KIF2A: variants seen among roughly 807,000 people sequenced by gnomAD.
KIF2A encodes the protein kinesin-like protein KIF2A.
A neutral mutation model predicts 100.2 loss-of-function variants in KIF2A; 22 were observed. The ratio of observed to expected loss-of-function variants is 0.22; its 90% CI spans 0.16 to 0.31. The LOEUF (loss-of-function observed/expected upper bound fraction) is 0.31, where lower values mean the gene tolerates loss of function less well. Ranked by LOEUF, KIF2A falls within the 10% of genes least tolerant of loss-of-function variation. KIF2A has a pLI of 1.00. For synonymous variants in KIF2A, 268 were observed against 285.9 expected (o/e 0.94, Z 0.63); for missense variants, 495 against 898.7 (o/e 0.55, Z 5.74).
rs1742080418 is a variant in KIF2A at position 62,387,354 on chromosome 5, T to A, written c.*1785T>A. The A allele has an allele frequency of 6.6e-6, 1 of 152,188 alleles. No individual in the cohort carries two copies. Among genetic ancestry groups the A allele is most frequent in the East Asian group, 1.9e-4 (1 of 5,200 alleles). The allele number at this position is 152,188 out of a possible 1,614,324, so 9.4% of individuals were successfully genotyped here. On this transcript the variant is annotated 3_prime_UTR_variant, in exon 21 of 21. Transcript: ENST00000407818. ...TTAAAAAAAAGGTAGTTTTTGAGAT[T>A]AACCAACTTTCAAAGGGCAATAAAG... is the stretch of plus-strand genomic sequence containing the variant.
chr5:62,332,604 G>A (rs1273607814), intron 1 of KIF2A, among the ~76,000 whole-genome samples: 2 of 152,070 alleles, frequency 1.3e-5, no homozygotes, highest in African/African-American at 4.8e-5. Context: ...AGTTTGGGGT[G>A]AACATTATTT....
At chr5:62,352,078 G>C (rs984116403) in intron 4 of KIF2A, among the ~76,000 whole-genome samples, 1 of 151,634 alleles carries the variant, frequency 6.6e-6, no homozygotes, top group African/African-American at 2.4e-5. Context: ...ACTTGAACCT[G>C]GGAGGCGGAG....
At position 62,387,643 on chromosome 5, in the gene KIF2A, G is replaced by C. The variant is rs1742097913; in HGVS notation, c.*2074G>C. ...AAACTCAGCAGTTCATAGGGGTAGA[G>C]GGAAATAACCTGAGAAAGCCGAGTT... is the stretch of plus-strand genomic sequence containing the variant. On this transcript the variant is annotated 3_prime_UTR_variant, in exon 21 of 21. Transcript: ENST00000407818. 1 of 152,114 alleles carries C rather than the reference G, an allele frequency of 6.6e-6. No homozygotes were observed. 9.4% of individuals were successfully genotyped at this position (152,114 alleles called of 1,614,324 possible).
At chr5:62,307,914 GGCC>G (rs1745393646) in intron 1 of KIF2A, among the ~76,000 whole-genome samples, 1 of 152,114 alleles carries the variant, frequency 6.6e-6, no homozygotes, top group Non-Finnish European at 1.5e-5. Context: ...CATCGCGCCT[GGCC>G]TCGATTCCTT....
At position 62,365,328 on chromosome 5, in the gene KIF2A, T is replaced by C. The variant is rs770617593; in HGVS notation, c.1553T>C (p.Ile518Thr). 1.3e-6 allele frequency: 2 copies of C among 1,597,902 alleles called. No individual in the cohort carries two copies. Among genetic ancestry groups the C allele is most frequent in the Non-Finnish European group, 1.7e-6 (2 of 1,168,172 alleles). ...ACTCAGGTGTTAAGAGATTCTTTCATAGGTGAAAACTCTCGTACCTGCATG... is the reference window on the plus strand; with the variant it reads ...ACTCAGGTGTTAAGAGATTCTTTCACAGGTGAAAACTCTCGTACCTGCATG... The part of the protein sequence containing the change: ...KLTQVLRDSF[I>T]GENSRTCMIA... Residue 518 changes from isoleucine to threonine, a missense_variant, in exon 15 of 21, where the codon ATA becomes ACA. Around this residue, in one of 10 missense-constraint regions of KIF2A, gnomAD observed 100 missense variants for 138.2 expected, o/e 0.72. Transcript: ENST00000407818.
intron 20 of KIF2A, 78 bp downstream of exon 20, chr5:62,381,331 G>C: frequency 8.5e-7 from 1 of 1,179,414 alleles, no homozygotes; most frequent in Non-Finnish European, 1.2e-6. Flanking sequence ...TCTTCGTATT[G>C]CAAGAGGACA....
At chr5:62,306,794 C>A in intron 1 of KIF2A, 1 of 464,326 alleles carries the variant, frequency 2.2e-6, no homozygotes, top group South Asian at 3.0e-5. Flanking sequence ...TCGAGGGTCG[C>A]GTCTCCGGGG....
chr5:62,329,887 AC>A (rs1746549791), intron 1 of KIF2A, among the ~76,000 whole-genome samples: 6 of 152,232 alleles, frequency 3.9e-5, no homozygotes, highest in African/African-American at 1.4e-4. Flanking sequence ...GTTTTAAAAG[AC>A]CAATCTTAAA....
At chr5:62,379,323 T>C (rs1226625118) in intron 19 of KIF2A, among the ~76,000 whole-genome samples, 1 of 152,074 alleles carries the variant, frequency 6.6e-6, no homozygotes, top group Non-Finnish European at 1.5e-5. Context: ...AATAAGGTTT[T>C]GTTAAACCAA....
At chr5:62,313,204 T>G (rs1018894651) in intron 1 of KIF2A, among the ~76,000 whole-genome samples, 2 of 152,186 alleles carry the variant, frequency 1.3e-5, no homozygotes, top group Non-Finnish European at 2.9e-5. Context: ...TGTGTGTACA[T>G]TATTACTACC....
chr5:62,348,225 G>T (rs1747675783), intron 3 of KIF2A, 58 bp downstream of exon 3: 1 of 1,582,034 alleles, frequency 6.3e-7, no homozygotes, highest in East Asian at 2.2e-5. Context: ...TTGTAGATGT[G>T]TGTGTGTTCT....
chr5:62,377,661 G>T lies in KIF2A; in HGVS notation c.1912G>T (p.Glu638Ter). The change falls in exon 19 of 21, where the codon GAA becomes TAA. Residue 638 changes from glutamate (E) to a stop codon, truncating the protein, a stop_gained and splice_region_variant. Coordinates refer to ENST00000407818, the MANE Select transcript of KIF2A (RefSeq NM_001098511.3). LOFTEE classifies it high-confidence loss of function. Reference protein sequence around the residue: ...DDLKLLCEQNEEEVSPQLFTF... With the variant: ...DDLKLLCEQN ...ATTTCTTAACTATTTTTATTTTAAG[G>T]AAGAAGAAGTCTCTCCACAGTTGTT... 2 of 1,481,832 alleles carry T rather than the reference G, an allele frequency of 1.3e-6. No individual in the cohort carries two copies. The highest frequency in any genetic ancestry group is 1.3e-5 in the South Asian group (1 of 75,616). The allele number at this position is 1,481,832 out of a possible 1,614,324, so 91.8% of individuals were successfully genotyped here.
intron 8 of KIF2A, 114 bp from the exon 9 acceptor site, chr5:62,358,023 T>C: frequency 1.3e-6 from 1 of 791,726 alleles, no homozygotes; most frequent in Non-Finnish European, 1.9e-6. Context: ...ATATTATCTT[T>C]ATATGTACAG....
intron 19 of KIF2A, among the ~76,000 whole-genome samples, chr5:62,379,235 G>T (rs575083911): frequency 1.3e-4 from 20 of 152,236 alleles, no homozygotes; most frequent in Non-Finnish European, 2.4e-4. Context: ...GTAAAATTAG[G>T]TGTTCTGACT....
At chr5:62,361,398 C>A in intron 10 of KIF2A, 66 bp downstream of exon 10, 1 of 1,439,960 alleles carries the variant, frequency 6.9e-7, no homozygotes, top group Non-Finnish European at 9.8e-7. Flanking sequence ...TAGCTTAATT[C>A]TGTGAACTAA....
At chr5:62,318,302 C>T (rs991559982) in intron 1 of KIF2A, among the ~76,000 whole-genome samples, 5 of 152,224 alleles carry the variant, frequency 3.3e-5, no homozygotes, top group East Asian at 1.9e-4. Context: ...AGGATGGTCT[C>T]GATCTGCTGA....
chr5:62,310,369 A>G (rs995214054), intron 1 of KIF2A, among the ~76,000 whole-genome samples: 1 of 152,130 alleles, frequency 6.6e-6, no homozygotes, highest in African/African-American at 2.4e-5. Context: ...TGACTCTTAA[A>G]TTCCCTGAAT....
chr5:62,308,305 T>G (rs1161647328), intron 1 of KIF2A: 3 of 1,381,342 alleles, frequency 2.2e-6, no homozygotes, highest in African/African-American at 1.5e-5. Flanking sequence ...TGTCATTTTT[T>G]TAGGTAAATA....
In KIF2A at chr5:62,351,749, A is replaced by G. The variant is rs74958491; in HGVS notation, c.335-839A>G. On this transcript the variant is annotated intron_variant, in intron 4 of 20. Transcript: ENST00000407818. ...GGGAAATTCTCTGCTGAAGATTTGC[A>G]TATTTGAGGAGCAAAGAGTGGGATT... Among the ~76,000 whole-genome samples, 737 of 152,276 alleles carry G rather than the reference A, an allele frequency of 4.8e-3. 4 individuals carry two copies. Among genetic ancestry groups the G allele is most frequent in the African/African-American group, 0.017 (697 of 41,574 alleles).
Sources: gnomAD v4.1 joint callset for allele counts (sites outside exome capture counted in the v4.1 genomes callset) on GRCh38, gnomAD v4.1.1 for gene constraint, gnomAD v4.1.1 regional missense constraint, MANE v1.5 for transcripts, NCBI Gene and HGNC (gene_info 2026-07-23, HGNC 2026-07-21) for gene names.